DCC: variants seen among roughly 807,000 people sequenced by gnomAD.
DCC encodes DCC netrin 1 receptor.
DCC carries 58 observed loss-of-function variants against 172.5 expected under a neutral mutation model. The observed-to-expected ratio is 0.34, with a 90% CI of 0.27 to 0.42. The LOEUF is 0.42. Ranked by LOEUF, DCC falls within the 10% of genes least tolerant of loss-of-function variation. DCC has a pLI of 1.00. For synonymous variants in DCC, 709 were observed against 644.5 expected (o/e 1.10, Z -1.52); for missense variants, 1,740 against 1,791.0 (o/e 0.97, Z 0.51).
chr18:53,487,983 C>T (rs548388527), intron 26 of DCC, among the ~76,000 whole-genome samples: 4 of 152,282 alleles, frequency 2.6e-5, no homozygotes, highest in Admixed American at 2.0e-4. Context: ...CCACAAGTGC[C>T]TTCTTCACTT....
At chr18:52,448,657 C>A (rs1436036452) in intron 1 of DCC, among the ~76,000 whole-genome samples, 1 of 152,110 alleles carries the variant, frequency 6.6e-6, no homozygotes, top group Non-Finnish European at 1.5e-5. Flanking sequence ...TAGAGATTTA[C>A]AAGTGAGATC....
chr18:52,589,815 C>G (rs553188146), intron 1 of DCC, among the ~76,000 whole-genome samples: 1 of 152,092 alleles, frequency 6.6e-6, no homozygotes, highest in African/African-American at 2.4e-5. Flanking sequence ...CAAGTTGACT[C>G]GCACAATTAT....
chr18:53,176,597 A>G lies in DCC; in HGVS notation c.1419-2365A>G, dbSNP rs142173260. 6.5e-3 allele frequency among the ~76,000 whole-genome samples: 983 copies of G among 152,334 alleles called. 10 individuals are homozygous for G. The highest frequency in any genetic ancestry group is 0.023 in the African/African-American group (962 of 41,554). On this transcript the variant is annotated intron_variant, in intron 8 of 28. Coordinates refer to ENST00000442544, the MANE Select transcript of DCC (RefSeq NM_005215.4). ...GAAAAAATGCTCATCATCACTGGTC[A>G]TCAGGGAAATGCAAATCAAAACCAC...
At chr18:52,873,802 GAAGGA>G (rs1470486414) in intron 2 of DCC, among the ~76,000 whole-genome samples, 1 of 152,166 alleles carries the variant, frequency 6.6e-6, no homozygotes. Context: ...ATAGATGAGG[GAAGGA>G]AAGGAAAGTT....
At chr18:53,222,234 T>C (rs2055945220) in intron 12 of DCC, among the ~76,000 whole-genome samples, 1 of 152,204 alleles carries the variant, frequency 6.6e-6, no homozygotes, top group Non-Finnish European at 1.5e-5. Context: ...AACTGCTTTC[T>C]GTAATTAAGT....
chr18:52,371,403 A>G (rs1343474315), intron 1 of DCC, among the ~76,000 whole-genome samples: 2 of 152,252 alleles, frequency 1.3e-5, no homozygotes, highest in Non-Finnish European at 2.9e-5. Context: ...AGTAATTTAT[A>G]TTTTGTGAAA....
chr18:52,551,195 G>A (rs1281501754), intron 1 of DCC, among the ~76,000 whole-genome samples: 7 of 151,938 alleles, frequency 4.6e-5, no homozygotes, highest in African/African-American at 9.7e-5. Flanking sequence ...ATGGCAGAGC[G>A]GACATAATGG....
chr18:52,497,925 T>G (rs2030865540), intron 1 of DCC, among the ~76,000 whole-genome samples: 1 of 152,164 alleles, frequency 6.6e-6, no homozygotes, highest in South Asian at 2.1e-4. Context: ...TGACATATTT[T>G]TGCTACAGAG....
At chr18:52,393,742 G>A (rs898990294) in intron 1 of DCC, among the ~76,000 whole-genome samples, 1 of 152,010 alleles carries the variant, frequency 6.6e-6, no homozygotes, top group Non-Finnish European at 1.5e-5. Flanking sequence ...CCAGAAAAGT[G>A]ATTGTTAAAA....
intron 2 of DCC, among the ~76,000 whole-genome samples, chr18:52,898,445 T>C (rs546499723): frequency 6.6e-6 from 1 of 152,326 alleles, no homozygotes; most frequent in East Asian, 1.9e-4. Context: ...TGAAATGCTT[T>C]ATTTCCACTT....
intron 25 of DCC, among the ~76,000 whole-genome samples, chr18:53,484,761 G>A (rs1194494846): frequency 6.6e-6 from 1 of 151,798 alleles, no homozygotes; most frequent in Non-Finnish European, 1.5e-5. Context: ...TATTGCTTTG[G>A]TTATTCAATA....
intron 1 of DCC, among the ~76,000 whole-genome samples, chr18:52,586,733 A>G (rs774327662): frequency 6.6e-6 from 1 of 152,210 alleles, no homozygotes; most frequent in African/African-American, 2.4e-5. Context: ...AGGACCATAT[A>G]TAGGATGCTG....
chr18:53,525,451 G>A (rs2046444177), intron 27 of DCC, among the ~76,000 whole-genome samples: 1 of 152,024 alleles, frequency 6.6e-6, no homozygotes, highest in Non-Finnish European at 1.5e-5. Flanking sequence ...AGAGTGAAAA[G>A]GTATAAATAT....
At chr18:52,858,032 T>C (rs746147897) in intron 2 of DCC, among the ~76,000 whole-genome samples, 6 of 152,224 alleles carry the variant, frequency 3.9e-5, no homozygotes, top group Non-Finnish European at 7.3e-5. Flanking sequence ...AATATGTTCA[T>C]TGCTGGAACC....
intron 1 of DCC, among the ~76,000 whole-genome samples, chr18:52,445,271 T>C (rs1988087055): frequency 6.6e-6 from 1 of 152,172 alleles, no homozygotes; most frequent in South Asian, 2.1e-4. Flanking sequence ...AATAATAATT[T>C]CCAATGAAAG....
At chr18:53,313,985 A>G (rs1350924534) in intron 13 of DCC, among the ~76,000 whole-genome samples, 2 of 152,250 alleles carry the variant, frequency 1.3e-5, no homozygotes, top group Non-Finnish European at 2.9e-5. Context: ...CACTGTGCCA[A>G]TGTCAGTTAT....
At chr18:52,353,383 A>G (rs939549356) in intron 1 of DCC, among the ~76,000 whole-genome samples, 2 of 152,132 alleles carry the variant, frequency 1.3e-5, no homozygotes, top group Admixed American at 6.5e-5. Context: ...ACCCAGGGAA[A>G]AAGAAAGACA....
Position 53,086,299 on chromosome 18 carries a change from TTTCTTCTTC to T in DCC, c.1261+20149_1261+20157del, listed in dbSNP as rs749573944. ...CCTTTCTTCTTCTTCTTCTTCTTCC[TTTCTTCTTC>T]TTCTTCTTCTTCTTCCTTTCTTCTT... On this transcript the variant is annotated intron_variant, in intron 7 of 28. Coordinates refer to ENST00000442544, the MANE Select transcript of DCC (RefSeq NM_005215.4). Among the ~76,000 whole-genome samples, 13 of 36,386 alleles carry T rather than the reference TTTCTTCTTC, an allele frequency of 3.6e-4. 4 individuals carry two copies. Among genetic ancestry groups the T allele is most frequent in the Non-Finnish European group, 6.0e-4 (12 of 20,032 alleles). 23.9% of individuals were successfully genotyped at this position (36,386 alleles called of 152,430 possible).
chr18:53,268,769 C>G (rs953661989), intron 12 of DCC, among the ~76,000 whole-genome samples: 1 of 152,098 alleles, frequency 6.6e-6, no homozygotes, highest in African/African-American at 2.4e-5. Context: ...ATTATGACCA[C>G]CTGAACAGGA....
Sources: allele counts gnomAD v4.1 joint callset (sites outside exome capture counted in the v4.1 genomes callset), GRCh38; gene constraint gnomAD v4.1.1; transcripts MANE v1.5; gene names NCBI Gene and HGNC (gene_info 2026-07-23, HGNC 2026-07-21).